SH3GL2: variants seen among roughly 807,000 people sequenced by gnomAD.
The protein encoded by SH3GL2 is endophilin-A1.
A neutral mutation model predicts 46.0 loss-of-function variants in SH3GL2; 24 were observed. That is an observed-to-expected ratio of 0.52 (90% confidence interval 0.38 to 0.73). SH3GL2 has a LOEUF of 0.73. Among genes scored for constraint, SH3GL2 ranks in the 30% least tolerant of loss-of-function variants. The probability of loss-of-function intolerance (pLI) is 0.00; values close to 1 mark genes in which losing one functional copy is unlikely to be tolerated. For synonymous variants in SH3GL2, 196 were observed against 147.1 expected (o/e 1.33, Z -2.40); for missense variants, 413 against 424.2 (o/e 0.97, Z 0.23).
intron 1 of SH3GL2, among the ~76,000 whole-genome samples, chr9:17,637,652 A>T (rs1397242527): frequency 6.6e-6 from 1 of 152,236 alleles, no homozygotes; most frequent in Non-Finnish European, 1.5e-5. Context: ...GCCTTTAGGC[A>T]AATGTCTTGT....
At chr9:17,786,846 C>T (rs1381790703) in intron 4 of SH3GL2, among the ~76,000 whole-genome samples, 2 of 152,092 alleles carry the variant, frequency 1.3e-5, no homozygotes, top group Non-Finnish European at 2.9e-5. Flanking sequence ...AGTGAGCAGG[C>T]ACAGTCAGCA....
intron 1 of SH3GL2, among the ~76,000 whole-genome samples, chr9:17,709,034 G>A (rs1821550356): frequency 6.6e-6 from 1 of 151,874 alleles, no homozygotes; most frequent in Non-Finnish European, 1.5e-5. Context: ...ACTTTTATTT[G>A]TCAGTTTATT....
chr9:17,708,069 A>G (rs551116419), intron 1 of SH3GL2, among the ~76,000 whole-genome samples: 125 of 152,138 alleles, frequency 8.2e-4, no homozygotes, highest in Non-Finnish European at 1.4e-3. Flanking sequence ...TCAATTATGA[A>G]TAGTTTTTGA....
intron 1 of SH3GL2, among the ~76,000 whole-genome samples, chr9:17,620,741 G>A (rs1819119584): frequency 6.6e-6 from 1 of 152,158 alleles, no homozygotes; most frequent in Non-Finnish European, 1.5e-5. Flanking sequence ...AGAGGGAGAA[G>A]TCAAGGGTAA....
In SH3GL2 at chr9:17,686,553, T is replaced by C. The variant is rs563498351; in HGVS notation, c.46-60513T>C. ...TGGAACCAACCCAAATGTCCAACAA[T>C]GATAGACTGGATTGAGAAAATGTGG... On this transcript the variant is annotated intron_variant, in intron 1 of 8. Coordinates refer to ENST00000380607, the MANE Select transcript of SH3GL2 (RefSeq NM_003026.5). Among the ~76,000 whole-genome samples the C allele has an allele frequency of 2.7e-3, 396 of 148,012 alleles. 2 individuals are homozygous for C. Among genetic ancestry groups the C allele is most frequent in the African/African-American group, 9.3e-3 (379 of 40,778 alleles).
rs150915935 is a variant in SH3GL2 at position 17,672,953 on chromosome 9, C to T, written c.46-74113C>T. ...ATTAATCTCTTAGCTGTCTTCTCCT[C>T]CAGAGAAGACTACTGCCTGCTCTGC... On this transcript the variant is annotated intron_variant, in intron 1 of 8. Coordinates refer to ENST00000380607, the MANE Select transcript of SH3GL2 (RefSeq NM_003026.5). Among the ~76,000 whole-genome samples, 314 of 152,240 alleles carry T rather than the reference C, an allele frequency of 2.1e-3. 1 individual carries two copies. The highest frequency in any genetic ancestry group is 7.2e-3 in the African/African-American group (300 of 41,542).
chr9:17,712,800 A>C (rs953207678), intron 1 of SH3GL2, among the ~76,000 whole-genome samples: 8 of 151,708 alleles, frequency 5.3e-5, no homozygotes, highest in African/African-American at 1.9e-4. Context: ...TCAGTTAATC[A>C]ATCTGTTGGT....
At chr9:17,738,985 C>A (rs558695265) in intron 1 of SH3GL2, among the ~76,000 whole-genome samples, 1 of 152,050 alleles carries the variant, frequency 6.6e-6, no homozygotes, top group African/African-American at 2.4e-5. Flanking sequence ...TGTAGACTTG[C>A]GAAGTTGATG....
Position 17,698,209 on chromosome 9 carries a change from T to C in SH3GL2, c.46-48857T>C, listed in dbSNP as rs115277778. On this transcript the variant is annotated intron_variant, in intron 1 of 8. Coordinates refer to ENST00000380607, the MANE Select transcript of SH3GL2 (RefSeq NM_003026.5). ...CCAGATGCAGGCAGTCACTTGTCAC[T>C]TTGGTCAACATCTTAAGGCCTCCAG... Among the ~76,000 whole-genome samples, 1,283 of 152,308 alleles carry C rather than the reference T, an allele frequency of 8.4e-3. 23 individuals carry two copies. Among genetic ancestry groups the C allele is most frequent in the African/African-American group, 0.029 (1,200 of 41,564 alleles).
intron 5 of SH3GL2, among the ~76,000 whole-genome samples, chr9:17,788,945 C>A (rs1220599387): frequency 6.6e-6 from 1 of 152,182 alleles, no homozygotes; most frequent in Non-Finnish European, 1.5e-5. Context: ...GCAAGACTGC[C>A]ATTTCTATCT....
At chr9:17,735,731 C>T (rs561931441) in intron 1 of SH3GL2, 5 of 971,470 alleles carry the variant, frequency 5.1e-6, no homozygotes, top group African/African-American at 3.5e-5. Flanking sequence ...TTGATTGAGG[C>T]AGTAGGAAAT....
chr9:17,750,713 G>T (rs528726327), intron 2 of SH3GL2, among the ~76,000 whole-genome samples: 7 of 152,274 alleles, frequency 4.6e-5, no homozygotes, highest in Admixed American at 2.0e-4. Flanking sequence ...GAGGAAGTTC[G>T]GAAATTTGAA....
chr9:17,721,136 T>A (rs922980495), intron 1 of SH3GL2, among the ~76,000 whole-genome samples: 1 of 152,068 alleles, frequency 6.6e-6, no homozygotes, highest in African/African-American at 2.4e-5. Flanking sequence ...ATTGGCAGCT[T>A]GGCTAAACTG....
chr9:17,717,269 C>A lies in SH3GL2; in HGVS notation c.46-29797C>A, dbSNP rs538204621. Among the ~76,000 whole-genome samples the A allele has an allele frequency of 1.0e-3, 152 of 152,252 alleles. 1 individual carries two copies. Among genetic ancestry groups the A allele is most frequent in the African/African-American group, 3.5e-3 (144 of 41,556 alleles). On this transcript the variant is annotated intron_variant, in intron 1 of 8. Coordinates refer to ENST00000380607, the MANE Select transcript of SH3GL2 (RefSeq NM_003026.5). The stretch of plus-strand genomic sequence containing the variant: ...GCTGTCACATGTTGGGCAGCTCTCC[C>A]TTTTGAAGAACACATTTCGTATTTT...
intron 1 of SH3GL2, among the ~76,000 whole-genome samples, chr9:17,741,269 C>T (rs1469703095): frequency 6.6e-6 from 1 of 152,106 alleles, no homozygotes. Context: ...TGTGGGTATA[C>T]ACACAAAAAC....
chr9:17,749,437 G>T (rs1305232915), intron 2 of SH3GL2, among the ~76,000 whole-genome samples: 1 of 152,052 alleles, frequency 6.6e-6, no homozygotes, highest in African/African-American at 2.4e-5. Flanking sequence ...CTTGTACTTT[G>T]ATGCTCCTCC....
chr9:17,605,097 C>T (rs372173948), intron 1 of SH3GL2, among the ~76,000 whole-genome samples: 52 of 151,740 alleles, frequency 3.4e-4, no homozygotes, highest in African/African-American at 9.2e-4. Context: ...CTTAGCCTCC[C>T]GAGTAGCTGG....
chr9:17,729,145 T>C (rs1293770980), intron 1 of SH3GL2, among the ~76,000 whole-genome samples: 13 of 152,220 alleles, frequency 8.5e-5, no homozygotes, highest in Admixed American at 8.5e-4. Flanking sequence ...TCCTGACTTT[T>C]AATGATCATT....
chr9:17,780,406 G>C (rs1014886942), intron 3 of SH3GL2, among the ~76,000 whole-genome samples: 3 of 151,230 alleles, frequency 2.0e-5, no homozygotes. Context: ...CAGTTTACTT[G>C]TCCATTTTCT....
Sources: allele counts gnomAD v4.1 joint callset (sites outside exome capture counted in the v4.1 genomes callset), GRCh38; gene constraint gnomAD v4.1.1; transcripts MANE v1.5; gene names NCBI Gene and HGNC (gene_info 2026-07-23, HGNC 2026-07-21).